CDH8: variants seen among roughly 807,000 people sequenced by gnomAD.
The protein encoded by CDH8 is cadherin 8, also known as cadherin-8.
CDH8 carries 17 observed loss-of-function variants against 68.1 expected under a neutral mutation model. The observed-to-expected ratio is 0.25, with a 90% CI of 0.17 to 0.37. The LOEUF is 0.37. Ranked by LOEUF, CDH8 falls within the 10% of genes least tolerant of loss-of-function variation. CDH8 has a pLI of 1.00. For synonymous variants in CDH8, 372 were observed against 365.1 expected (o/e 1.02, Z -0.21); for missense variants, 763 against 999.3 (o/e 0.76, Z 3.19).
chr16:62,018,776 C>A (rs1902003070), intron 2 of CDH8, among the ~76,000 whole-genome samples: 2 of 152,180 alleles, frequency 1.3e-5, no homozygotes, highest in African/African-American at 4.8e-5. Flanking sequence ...CACTAAGACT[C>A]AAAAGCATTT....
chr16:61,835,159 C>T (rs1424924552), intron 4 of CDH8, among the ~76,000 whole-genome samples: 1 of 151,814 alleles, frequency 6.6e-6, no homozygotes, highest in Non-Finnish European at 1.5e-5. Flanking sequence ...CTCTATATGC[C>T]CTGCCCCATT....
At chr16:61,911,780 A>G (rs1029908710) in intron 2 of CDH8, among the ~76,000 whole-genome samples, 9 of 152,144 alleles carry the variant, frequency 5.9e-5, no homozygotes, top group African/African-American at 9.6e-5. Context: ...AAATGATGAA[A>G]TAAGAATAAG....
chr16:61,692,107 C>T (rs559225512), intron 10 of CDH8: 19 of 152,162 alleles, frequency 1.2e-4, no homozygotes, highest in East Asian at 3.9e-4. Flanking sequence ...CTGGCATGAA[C>T]GGGGACACAA....
Position 61,727,112 on chromosome 16 carries a change from T to A in CDH8, c.1518A>T (p.Glu506Asp), listed in dbSNP as rs1335637090. The change falls in exon 9 of 12, where the codon GAA (glutamate) becomes GAT (aspartate). Residue 506 changes from glutamate (E) to aspartate (D), a missense_variant. Coordinates refer to ENST00000577390, the MANE Select transcript of CDH8 (RefSeq NM_001796.5). ...TATTTACTTGGCCGGGTTTTCCATT[T>A]TCACATAAAAATGCCTCATATTCGG... ...FASEYEAFLC[E>D]NGKPGQVIQT... 2 of 1,610,850 alleles carry A rather than the reference T, an allele frequency of 1.2e-6. No individual in the cohort carries two copies. The highest frequency in any genetic ancestry group is 1.7e-6 in the Non-Finnish European group (2 of 1,177,874).
At chr16:62,028,364 G>A (rs781674361) in intron 1 of CDH8, among the ~76,000 whole-genome samples, 2 of 151,794 alleles carry the variant, frequency 1.3e-5, no homozygotes, top group East Asian at 1.9e-4. Flanking sequence ...CACCGCGACC[G>A]GCCTCAAATC....
chr16:61,877,370 G>A (rs1963480133), intron 3 of CDH8, among the ~76,000 whole-genome samples: 1 of 151,564 alleles, frequency 6.6e-6, no homozygotes, highest in South Asian at 2.1e-4. Context: ...GAATTACCTT[G>A]AACCACAGCC....
At chr16:61,777,716 G>T (rs78470675) in intron 8 of CDH8, among the ~76,000 whole-genome samples, 1 of 152,066 alleles carries the variant, frequency 6.6e-6, no homozygotes, top group Non-Finnish European at 1.5e-5. Flanking sequence ...TGCTACCTAC[G>T]TTGCAGGGGT....
chr16:61,872,828 C>T (rs1382945820), intron 3 of CDH8, among the ~76,000 whole-genome samples: 2 of 152,138 alleles, frequency 1.3e-5, no homozygotes, highest in Non-Finnish European at 2.9e-5. Context: ...TATGAACTTG[C>T]TATGGGATAT....
chr16:61,971,662 CA>C (rs922420888), intron 2 of CDH8, among the ~76,000 whole-genome samples: 11 of 152,166 alleles, frequency 7.2e-5, no homozygotes, highest in Non-Finnish European at 1.5e-4. Flanking sequence ...CGTTGGTGAT[CA>C]ACTTAGCCTT....
At chr16:61,754,489 G>GT (rs577149627) in intron 8 of CDH8, among the ~76,000 whole-genome samples, 49 of 151,410 alleles carry the variant, frequency 3.2e-4, no homozygotes, top group East Asian at 5.8e-4. Context: ...GCCATTTTTT[G>GT]TTTTTTTTAT....
At chr16:61,813,605 C>T (rs1163300583) in intron 7 of CDH8, among the ~76,000 whole-genome samples, 1 of 152,108 alleles carries the variant, frequency 6.6e-6, no homozygotes, top group African/African-American at 2.4e-5. Context: ...TCTCCAGTTC[C>T]GTGTCCTAGC....
intron 10 of CDH8, among the ~76,000 whole-genome samples, chr16:61,688,066 T>G (rs545521669): frequency 2.6e-5 from 4 of 152,128 alleles, no homozygotes; most frequent in African/African-American, 9.6e-5. Flanking sequence ...CCAGAATTTA[T>G]GTTCTAAACA....
chr16:61,989,559 A>G (rs2150588186), intron 2 of CDH8, among the ~76,000 whole-genome samples: 1 of 152,292 alleles, frequency 6.6e-6, no homozygotes, highest in East Asian at 1.9e-4. Flanking sequence ...GTCTCCTGGA[A>G]CATGTTTTTC....
intron 10 of CDH8, among the ~76,000 whole-genome samples, chr16:61,666,214 A>G (rs568767419): frequency 0.025 from 3,290 of 129,656 alleles, 63 homozygotes; most frequent in Non-Finnish European, 0.038. Flanking sequence ...GTGTATATAT[A>G]TATATATGTA....
At chr16:61,998,141 G>T (rs890131235) in intron 2 of CDH8, among the ~76,000 whole-genome samples, 4 of 151,908 alleles carry the variant, frequency 2.6e-5, no homozygotes, top group Admixed American at 6.6e-5. Flanking sequence ...GCTGGAAAAA[G>T]GTTTAGAAGA....
At chr16:61,830,463 G>A (rs939503281) in intron 4 of CDH8, among the ~76,000 whole-genome samples, 1 of 151,690 alleles carries the variant, frequency 6.6e-6, no homozygotes, top group Non-Finnish European at 1.5e-5. Context: ...GCCAGAGAGA[G>A]GATTCTGACT....
At chr16:61,918,929 G>A (rs1195275299) in intron 2 of CDH8, among the ~76,000 whole-genome samples, 1 of 148,948 alleles carries the variant, frequency 6.7e-6, no homozygotes, top group Non-Finnish European at 1.5e-5. Flanking sequence ...TGACAGCTTT[G>A]AAGAGAGCAG....
intron 8 of CDH8, among the ~76,000 whole-genome samples, chr16:61,767,951 T>C (rs1960637545): frequency 1.3e-5 from 2 of 152,030 alleles, no homozygotes; most frequent in Middle Eastern, 3.4e-3. Context: ...CCCAATTTTC[T>C]CCTTCCTACA....
At chr16:61,720,984 T>C (rs1218117289) in intron 9 of CDH8, among the ~76,000 whole-genome samples, 2 of 150,720 alleles carry the variant, frequency 1.3e-5, no homozygotes, top group East Asian at 2.0e-4. Flanking sequence ...TATATATCTA[T>C]ATCTATCTAG....
Sources: allele counts gnomAD v4.1 joint callset (sites outside exome capture counted in the v4.1 genomes callset), GRCh38; gene constraint gnomAD v4.1.1; transcripts MANE v1.5; gene names NCBI Gene and HGNC (gene_info 2026-07-23, HGNC 2026-07-21).